Variants in PDE4D observed in about 807,000 individuals in gnomAD.
PDE4D encodes 3',5'-cyclic-AMP phosphodiesterase 4D.
Under a neutral mutation model 87.4 loss-of-function variants are expected in PDE4D, and 24 were observed. The observed-to-expected ratio is 0.27, with a 90% CI of 0.20 to 0.39. The LOEUF (loss-of-function observed/expected upper bound fraction) is 0.39, where lower values mean the gene tolerates loss of function less well. PDE4D is among the 10% of genes least tolerant of loss of function. The probability of loss-of-function intolerance (pLI) is 1.00; values close to 1 mark genes in which losing one functional copy is unlikely to be tolerated. For synonymous variants in PDE4D, 384 were observed against 383.2 expected (o/e 1.00, Z -0.02); for missense variants, 714 against 1,041.0 (o/e 0.69, Z 4.32).
In PDE4D at chr5:59,185,180, A is replaced by T; in HGVS notation, c.758+9T>A. On this transcript the variant is annotated intron_variant, in intron 4 of 14. Transcript: ENST00000340635. ...AGCAAAAAAGAGGGGGGAAAAAAGGATATCTTACTTGCTAGGTGCTCGATC... is the reference window on the plus strand; with the variant it reads ...AGCAAAAAAGAGGGGGGAAAAAAGGTTATCTTACTTGCTAGGTGCTCGATC... 2 of 1,606,700 alleles carry T rather than the reference A, an allele frequency of 1.2e-6. No individual in the cohort carries two copies. The highest frequency in any genetic ancestry group is 1.1e-5 in the South Asian group (1 of 90,538).
At chr5:59,068,039 T>A (rs1764196589) in intron 5 of PDE4D, among the ~76,000 whole-genome samples, 1 of 152,074 alleles carries the variant, frequency 6.6e-6, no homozygotes, top group Admixed American at 6.6e-5. Context: ...GATCTTGAAG[T>A]GACAAAACAT....
At chr5:60,299,865 CATGT>C (rs2149790233) in intron 1 of PDE4D, among the ~76,000 whole-genome samples, 1 of 152,256 alleles carries the variant, frequency 6.6e-6, no homozygotes, top group African/African-American at 2.4e-5. Context: ...TGAACATACA[CATGT>C]ATGTATCTTT....
chr5:59,386,530 T>TG (rs1787028674), intron 1 of PDE4D, among the ~76,000 whole-genome samples: 1 of 136,602 alleles, frequency 7.3e-6, no homozygotes, highest in African/African-American at 2.6e-5. Flanking sequence ...GAATATGACT[T>TG]GGGCCTGGGC....
At chr5:59,223,721 T>G (rs996809427) in intron 1 of PDE4D, among the ~76,000 whole-genome samples, 3 of 152,104 alleles carry the variant, frequency 2.0e-5, no homozygotes, top group Non-Finnish European at 4.4e-5. Context: ...ATTTTAATAT[T>G]TACTTTTCTC....
chr5:59,474,764 C>T lies in PDE4D; in HGVS notation c.456-258796G>A, dbSNP rs577585931. Among the ~76,000 whole-genome samples the T allele has an allele frequency of 3.3e-5, 5 of 152,120 alleles. No homozygotes were observed. The South Asian group carries it at 6.2e-4, about 19-fold the overall frequency. ...GAATAACCTAGACTATCTTGACTTA[C>T]ATAAAATTAATCAAAATAATAAAAT... is the stretch of plus-strand genomic sequence containing the variant. On this transcript the variant is annotated intron_variant, in intron 1 of 14. Coordinates refer to ENST00000340635, the MANE Select transcript of PDE4D (RefSeq NM_001104631.2).
chr5:59,883,110 A>G (rs1302880105), intron 1 of PDE4D, among the ~76,000 whole-genome samples: 1 of 152,176 alleles, frequency 6.6e-6, no homozygotes, highest in Admixed American at 6.5e-5. Context: ...TTCTATCACA[A>G]ATAAGGAAGA....
intron 1 of PDE4D, among the ~76,000 whole-genome samples, chr5:59,263,025 G>T (rs538419116): frequency 1.6e-4 from 25 of 151,920 alleles, no homozygotes; most frequent in African/African-American, 6.0e-4. Flanking sequence ...AAGCCACAGG[G>T]AAGAGGCAAA....
At chr5:59,569,461 C>T (rs550796489) in intron 1 of PDE4D, among the ~76,000 whole-genome samples, 4 of 152,178 alleles carry the variant, frequency 2.6e-5, no homozygotes, top group African/African-American at 9.6e-5. Context: ...AGTTTTACAC[C>T]AAACAAAAAA....
intron 1 of PDE4D, among the ~76,000 whole-genome samples, chr5:59,357,804 C>T (rs991960289): frequency 6.6e-6 from 1 of 152,204 alleles, no homozygotes; most frequent in African/African-American, 2.4e-5. Flanking sequence ...GTGCCGTCAT[C>T]GGTCCTCACC....
intron 3 of PDE4D, among the ~76,000 whole-genome samples, chr5:59,945,585 C>G (rs1010852509): frequency 6.6e-6 from 1 of 152,198 alleles, no homozygotes; most frequent in Non-Finnish European, 1.5e-5. Context: ...CATCATCTTC[C>G]TGTCTCTCTT....
chr5:59,461,735 T>G (rs956257331), intron 1 of PDE4D, among the ~76,000 whole-genome samples: 1 of 152,154 alleles, frequency 6.6e-6, no homozygotes, highest in Non-Finnish European at 1.5e-5. Flanking sequence ...AACCAGATTT[T>G]TTTCCTGCTT....
At chr5:59,489,206 A>T (rs988172545) in intron 1 of PDE4D, among the ~76,000 whole-genome samples, 1 of 151,512 alleles carries the variant, frequency 6.6e-6, no homozygotes, top group East Asian at 1.9e-4. Flanking sequence ...CAGAGGTTGC[A>T]GTGAGCCAAG....
chr5:59,463,062 T>C (rs1162957064), intron 1 of PDE4D, among the ~76,000 whole-genome samples: 1 of 152,208 alleles, frequency 6.6e-6, no homozygotes, highest in Admixed American at 6.5e-5. Flanking sequence ...AATTCAATTA[T>C]TGACTGTATA....
Position 60,128,962 on chromosome 5 carries a change from G to A in PDE4D, c.42+56595C>T, listed in dbSNP as rs534222572. On this transcript the variant is annotated intron_variant, in intron 2 of 16. Coordinates refer to the PDE4D transcript ENST00000502484. ...ATGTTTTCAAGTAAATTACAGTTAAGCCATGCCTTAACAGAGGAGAAAAAC... is the reference window on the plus strand; with the variant it reads ...ATGTTTTCAAGTAAATTACAGTTAAACCATGCCTTAACAGAGGAGAAAAAC... 3.2e-4 allele frequency among the ~76,000 whole-genome samples: 48 copies of A among 152,288 alleles called. No individual in the cohort carries two copies. In the South Asian group the frequency reaches 9.1e-3, roughly 29 times the overall value.
chr5:59,607,950 TG>T (rs1294744291), intron 1 of PDE4D, among the ~76,000 whole-genome samples: 1 of 151,908 alleles, frequency 6.6e-6, no homozygotes, highest in Non-Finnish European at 1.5e-5. Flanking sequence ...TAGGGAAGAG[TG>T]CCTAGTTTCC....
intron 2 of PDE4D, among the ~76,000 whole-genome samples, chr5:60,181,749 T>G (rs548015017): frequency 6.6e-6 from 1 of 152,284 alleles, no homozygotes; most frequent in Non-Finnish European, 1.5e-5. Context: ...TAGAATTTAA[T>G]ACACAAGAAA....
At chr5:60,053,896 A>G (rs1447432337) in intron 2 of PDE4D, among the ~76,000 whole-genome samples, 1 of 152,248 alleles carries the variant, frequency 6.6e-6, no homozygotes, top group African/African-American at 2.4e-5. Context: ...GACACTTCTC[A>G]AAAGAAGACT....
intron 5 of PDE4D, among the ~76,000 whole-genome samples, chr5:59,111,421 C>G (rs1772615360): frequency 6.6e-6 from 1 of 152,180 alleles, no homozygotes; most frequent in African/African-American, 2.4e-5. Flanking sequence ...CTAGGGAGAT[C>G]ATAGAAAGCT....
chr5:60,397,767 T>A (rs181334734), intron 1 of PDE4D, among the ~76,000 whole-genome samples: 242 of 152,354 alleles, frequency 1.6e-3, no homozygotes, highest in Middle Eastern at 6.8e-3. Flanking sequence ...TATTATGTAC[T>A]TGAAAATCAT....
Sources: gnomAD v4.1 joint callset for allele counts (sites outside exome capture counted in the v4.1 genomes callset) on GRCh38, gnomAD v4.1.1 for gene constraint, MANE v1.5 for transcripts, NCBI Gene and HGNC (gene_info 2026-07-23, HGNC 2026-07-21) for gene names.